The following PCDHA1 variants were observed in gnomAD, a reference collection of about 807,000 sequenced individuals.
The protein encoded by PCDHA1 is protocadherin alpha-1.
In PCDHA1, 42 loss-of-function variants were observed where a neutral mutation model predicts 61.3. The ratio of observed to expected loss-of-function variants is 0.69; its 90% CI spans 0.54 to 0.89. The LOEUF (loss-of-function observed/expected upper bound fraction) is 0.89, where lower values mean the gene tolerates loss of function less well. Ranked by LOEUF, PCDHA1 falls within the 40% of genes least tolerant of loss-of-function variation. PCDHA1 has a pLI of 0.00. For missense variants in PCDHA1, 1,256 were observed against 1,235.3 expected, an observed-to-expected ratio of 1.02 and a Z score of -0.25; for synonymous variants, 610 against 553.8, an observed-to-expected ratio of 1.10 and a Z score of -1.43.
rs2150258870 is a variant in PCDHA1, at chr5:140,836,371, C to G, written c.2394+47687C>G. On this transcript the variant is annotated intron_variant, in intron 1 of 3. Transcript: ENST00000504120. Reference sequence around the variant, plus strand: ...GGGGAGCCCTCGCTGACAGCCACAGCCACCGTGCTGGTGTCGCTGGTGGAA... The same window carrying G: ...GGGGAGCCCTCGCTGACAGCCACAGGCACCGTGCTGGTGTCGCTGGTGGAA... The G allele has an allele frequency of 3.1e-3, 4,936 of 1,613,708 alleles. 180 individuals are homozygous for G. The African/African-American group carries it at 0.055, about 18-fold the overall frequency.
chr5:140,931,649 G>A (rs2087653878), intron 1 of PCDHA1, among the ~76,000 whole-genome samples: 1 of 151,904 alleles, frequency 6.6e-6, no homozygotes, highest in African/African-American at 2.4e-5. Context: ...GCTAATAATT[G>A]TTGTGGGCTG....
At chr5:140,848,891 G>A in intron 1 of PCDHA1, 1 of 1,600,726 alleles carries the variant, frequency 6.2e-7, no homozygotes, top group South Asian at 1.1e-5. Flanking sequence ...ACCCTCCAGT[G>A]TTCCCAGCGA....
intron 1 of PCDHA1, among the ~76,000 whole-genome samples, chr5:140,970,888 A>G (rs1452967166): frequency 6.6e-6 from 1 of 152,154 alleles, no homozygotes; most frequent in Non-Finnish European, 1.5e-5. Flanking sequence ...TTTCTCATGG[A>G]CATTTCAGAT....
chr5:140,798,848 C>T (rs1380621189), intron 1 of PCDHA1, among the ~76,000 whole-genome samples: 2 of 152,158 alleles, frequency 1.3e-5, no homozygotes, highest in African/African-American at 4.8e-5. Flanking sequence ...AAATAACTGT[C>T]TTAAACGGTC....
rs1424640992 is a variant in PCDHA1 at position 140,843,839 on chromosome 5, T to A, written c.2394+55155T>A. On this transcript the variant is annotated intron_variant, in intron 1 of 3. Transcript: ENST00000504120. The stretch of plus-strand genomic sequence containing the variant: ...GAAAATTTAAACATTGTTTAGTTTT[T>A]AGAAACCTTTTATAATTAATTGAAT... The A allele has an allele frequency of 3.1e-5, 33 of 1,049,446 alleles. 4 individuals carry two copies. The Admixed American group carries it at 7.9e-4, about 25-fold the overall frequency. 65.0% of individuals were successfully genotyped at this position (1,049,446 alleles called of 1,614,324 possible).
chr5:140,836,877 C>A, intron 1 of PCDHA1: 1 of 682,570 alleles, frequency 1.5e-6, no homozygotes, highest in Non-Finnish European at 2.3e-6. Flanking sequence ...GCTGTATTTG[C>A]ACTAATTATT....
intron 3 of PCDHA1, among the ~76,000 whole-genome samples, chr5:140,987,213 C>CAA (rs58319157): frequency 8.4e-5 from 10 of 118,874 alleles, no homozygotes; most frequent in Non-Finnish European, 1.2e-4. Flanking sequence ...GACTCCATCT[C>CAA]AAAAAAAAAA....
chr5:140,797,433 T>C (rs1210918310), intron 1 of PCDHA1: 4 of 1,380,976 alleles, frequency 2.9e-6, no homozygotes, highest in Middle Eastern at 4.0e-4. Flanking sequence ...GTTATTTAGA[T>C]TCATAGTTCT....
rs782806378 is a variant in PCDHA1 at position 140,795,691 on chromosome 5, G to A, written c.2394+7007G>A. ...TGTAAATGACAATGAACCAACTTTT[G>A]CCCAATCAGTTTACAAAGTAAAATT... On this transcript the variant is annotated intron_variant, in intron 1 of 3. Coordinates refer to ENST00000504120, the MANE Select transcript of PCDHA1 (RefSeq NM_018900.4). The A allele has an allele frequency of 6.8e-6, 11 of 1,613,946 alleles. No homozygotes were observed. Among genetic ancestry groups the A allele is most frequent in the Non-Finnish European group, 7.6e-6 (9 of 1,180,002 alleles).
chr5:140,871,218 G>C, intron 1 of PCDHA1: 19 of 1,613,884 alleles, frequency 1.2e-5, no homozygotes, highest in Non-Finnish European at 1.6e-5. Context: ...CCATCTGCGT[G>C]GTGTCCAGCC....
Position 140,857,664 on chromosome 5 carries a change from G to C in PCDHA1, c.2394+68980G>C, listed in dbSNP as rs201104305. Reference sequence around the variant, plus strand: ...CAGTTCCAGGTGAGCGCGCGCGATGGGGGCGTGCCGCCTCTGGGCAGCAAC... The same window carrying C: ...CAGTTCCAGGTGAGCGCGCGCGATGCGGGCGTGCCGCCTCTGGGCAGCAAC... On this transcript the variant is annotated intron_variant, in intron 1 of 3. Transcript: ENST00000504120. 3.7e-5 allele frequency: 59 copies of C among 1,591,986 alleles called. 7 individuals are homozygous for C. The highest frequency in any genetic ancestry group is 8.9e-5 in the East Asian group (4 of 44,792).
chr5:140,955,839 A>G (rs527318905), intron 1 of PCDHA1, among the ~76,000 whole-genome samples: 8 of 152,162 alleles, frequency 5.3e-5, no homozygotes, highest in African/African-American at 1.9e-4. Flanking sequence ...GTGGTTTGTC[A>G]TTCTCCTTGA....
At chr5:140,876,368 CA>C in intron 1 of PCDHA1, 1 of 1,613,904 alleles carries the variant, frequency 6.2e-7, no homozygotes. Flanking sequence ...AATCCAGACA[CA>C]GGTGAAATTA....
chr5:140,928,637 A>C (rs781828981), intron 1 of PCDHA1: 1 of 1,614,202 alleles, frequency 6.2e-7, no homozygotes, highest in South Asian at 1.1e-5. Context: ...TTGGTCACAA[A>C]AGTGGTAGCA....
intron 1 of PCDHA1, among the ~76,000 whole-genome samples, chr5:140,911,798 T>C (rs1387986120): frequency 6.6e-6 from 1 of 152,178 alleles, no homozygotes; most frequent in Non-Finnish European, 1.5e-5. Context: ...GGTCTAATCA[T>C]ATTAAGCAGC....
At chr5:140,871,316 TGGTGTGCTCCCGCGC>T in intron 1 of PCDHA1, 1 of 1,614,034 alleles carries the variant, frequency 6.2e-7, no homozygotes, top group Non-Finnish European at 8.5e-7. Context: ...AAGCCCACGC[TGGTGTGCTCCCGCGC>T]GGTGGGGAGC....
Position 140,869,569 on chromosome 5 carries a change from G to A in PCDHA1, c.2394+80885G>A, listed in dbSNP as rs200465902. ...ATCGGACTCGCGTTTTCCACTAGAG[G>A]GAGCTTCTGATGCTGACATTGAAGA... On this transcript the variant is annotated intron_variant, in intron 1 of 3. Coordinates refer to ENST00000504120, the MANE Select transcript of PCDHA1 (RefSeq NM_018900.4). 4.4e-4 allele frequency: 718 copies of A among 1,614,118 alleles called. 4 individuals carry two copies. The African/African-American group carries it at 8.4e-3, about 19-fold the overall frequency.
intron 1 of PCDHA1, among the ~76,000 whole-genome samples, chr5:140,970,696 C>T (rs2096425637): frequency 6.6e-6 from 1 of 152,144 alleles, no homozygotes; most frequent in Admixed American, 6.5e-5. Flanking sequence ...GCTTTTAGAG[C>T]TACTACACAA....
At position 140,823,147 on chromosome 5, in the gene PCDHA1, C is replaced by G. The variant is rs144629482; in HGVS notation, c.2394+34463C>G. 35 of 1,613,884 alleles carry G rather than the reference C, an allele frequency of 2.2e-5. No homozygotes were observed. The Admixed American group carries it at 3.8e-4, about 18-fold the overall frequency. On this transcript the variant is annotated intron_variant, in intron 1 of 3. Transcript: ENST00000504120. Reference sequence around the variant, plus strand: ...CAACGCTCCGGCGTTCGCGCAGCCCCAGTATACCGTGTTCGTGAAGGAGAA... The same window carrying G: ...CAACGCTCCGGCGTTCGCGCAGCCCGAGTATACCGTGTTCGTGAAGGAGAA...
Sources: gnomAD v4.1 joint callset for allele counts (sites outside exome capture counted in the v4.1 genomes callset) on GRCh38, gnomAD v4.1.1 for gene constraint, MANE v1.5 for transcripts, NCBI Gene and HGNC (gene_info 2026-07-23, HGNC 2026-07-21) for gene names.